CDX4: variants seen among roughly 807,000 people sequenced by gnomAD.
CDX4 encodes homeobox protein CDX-4.
CDX4 carries 11 observed loss-of-function variants against 14.1 expected under a neutral mutation model. The observed-to-expected ratio is 0.78, with a 90% CI of 0.49 to 1.29. CDX4 has a LOEUF of 1.29. CDX4 is among the 50% of genes most tolerant of loss of function. CDX4 has a pLI of 0.00. For synonymous variants in CDX4, 100 were observed against 93.5 expected, an observed-to-expected ratio of 1.07 and a Z score of -0.40; for missense variants, 257 against 237.4, an observed-to-expected ratio of 1.08 and a Z score of -0.54.
chrX:73,452,039 A>T (rs2057088967), intron 1 of CDX4, among the ~76,000 whole-genome samples: 1 of 109,522 alleles, frequency 9.1e-6, no homozygotes, highest in South Asian at 4.0e-4. Context: ...CGGGAAAAGG[A>T]GATTTTGTTC....
rs2147488013 is a variant in CDX4 at position 73,447,539 on chromosome X, G to A, written c.286G>A (p.Val96Met). The A allele has an allele frequency of 1.7e-6, 2 of 1,211,766 alleles. No individual in the cohort carries two copies. The highest frequency in any genetic ancestry group is 3.0e-5 in the East Asian group (1 of 33,813). ...TGGGCCGTCTAGTACAATGGGCACA[G>A]TGCCGGTGAACGACGTGACCTCTAG... Reference protein sequence around the residue: ...YPGPSSTMGTVPVNDVTSSPA... With the variant: ...YPGPSSTMGTMPVNDVTSSPA... The change falls in exon 1 of 3, where the codon GTG (valine) becomes ATG (methionine). Residue 96 changes from valine to methionine, a missense_variant. By Grantham distance (21) the Val-to-Met change is conservative. Coordinates refer to ENST00000373514, the MANE Select transcript of CDX4 (RefSeq NM_005193.2).
Position 73,447,397 on chromosome X carries a change from G to A in CDX4, c.144G>A (p.Pro48=). 4.1e-6 allele frequency: 5 copies of A among 1,211,167 alleles called. No individual in the cohort carries two copies. The African/African-American group carries it at 5.2e-5, about 13-fold the overall frequency. Residue 48 remains proline (P), a synonymous_variant, in exon 1 of 3, where the codon CCG becomes CCA. Transcript: ENST00000373514. ...PMPASNFAAA[P]AFSHYMGYPH... ...CAGCCTCCAATTTCGCTGCGGCACC[G>A]GCTTTCTCGCACTATATGGGGTATC... is the stretch of plus-strand genomic sequence containing the variant.
In CDX4 at chrX:73,454,405, A is replaced by C. The variant is rs371721540; in HGVS notation, c.675A>C (p.Arg225Ser). The change falls in exon 3 of 3, where the codon AGA (arginine) becomes AGC (serine). Residue 225 changes from arginine (R) to serine (S), a missense_variant. Coordinates refer to ENST00000373514, the MANE Select transcript of CDX4 (RefSeq NM_005193.2). ...RQVKIWFQNR[R>S]AKERKMIKKK... ...TGAAAATCTGGTTTCAGAATCGCAG[A>C]GCCAAGGAGAGAAAGATGATCAAAA... 30 of 1,207,993 alleles carry C rather than the reference A, an allele frequency of 2.5e-5. No individual in the cohort carries two copies. Among genetic ancestry groups the C allele is most frequent in the Non-Finnish European group, 3.4e-5 (30 of 892,902 alleles).
rs141266430 is a variant in CDX4, at chrX:73,448,991, T to C, written c.502+1236T>C. ...AGCCAGGAAGAGGAAGTTCTGTGTA[T>C]TAGAACCTCACTAGAGTAGCGATCC... On this transcript the variant is annotated intron_variant, in intron 1 of 2. Transcript: ENST00000373514. Among the ~76,000 whole-genome samples the C allele has an allele frequency of 3.2e-3, 360 of 112,028 alleles. 2 individuals carry two copies. Among genetic ancestry groups the C allele is most frequent in the African/African-American group, 0.011 (339 of 30,846 alleles).
intron 2 of CDX4, 104 bp downstream of exon 2, chrX:73,453,766 T>C: frequency 2.9e-6 from 2 of 678,934 alleles, no homozygotes; most frequent in Admixed American, 3.9e-5. Context: ...CCCAAGTAGC[T>C]TGCATTTCAA....
intron 2 of CDX4, 21 bp downstream of exon 2, chrX:73,453,683 A>G (rs1421816939): frequency 8.5e-7 from 1 of 1,180,206 alleles, no homozygotes. Flanking sequence ...AGTATATCCA[A>G]CATGTCCCGT....
chrX:73,451,663 G>T (rs1987292824), intron 1 of CDX4, among the ~76,000 whole-genome samples: 1 of 111,520 alleles, frequency 9.0e-6, no homozygotes, highest in African/African-American at 3.3e-5. Flanking sequence ...AACATTTCCA[G>T]AGTTATTGAT....
Position 73,447,615 on chromosome X carries a change from G to A in CDX4, c.362G>A (p.Gly121Asp). 1.7e-6 allele frequency: 2 copies of A among 1,211,532 alleles called. No homozygotes were observed. Among genetic ancestry groups the A allele is most frequent in the Non-Finnish European group, 2.2e-6 (2 of 895,440 alleles). The change falls in exon 1 of 3, where the codon GGT (glycine) becomes GAT (aspartate). Residue 121 changes from glycine to aspartate, a missense_variant. By Grantham distance (94) the Gly-to-Asp change is moderately conservative (BLOSUM62 -1). Coordinates refer to ENST00000373514, the MANE Select transcript of CDX4 (RefSeq NM_005193.2). ...TDYSNLGPVGGGTSGSSLPGQ... is the reference protein window; with the variant it reads ...TDYSNLGPVGDGTSGSSLPGQ... ...TACAGCAACTTGGGCCCTGTGGGCG[G>A]TGGAACTAGCGGCAGCAGCCTACCA... is the stretch of plus-strand genomic sequence containing the variant.
chrX:73,454,092 T>C (rs2057098395), intron 2 of CDX4, among the ~76,000 whole-genome samples: 1 of 111,770 alleles, frequency 8.9e-6, no homozygotes, highest in African/African-American at 3.2e-5. Flanking sequence ...CATTATTTAT[T>C]TCTACCTGTG....
chrX:73,448,915 CAA>C (rs1356307193), intron 1 of CDX4, among the ~76,000 whole-genome samples: 2 of 111,619 alleles, frequency 1.8e-5, no homozygotes, highest in Admixed American at 1.9e-4. Flanking sequence ...CTCCAAAAAG[CAA>C]AGACAGGAGG....
chrX:73,448,564 T>C (rs1425521475), intron 1 of CDX4, among the ~76,000 whole-genome samples: 1 of 112,015 alleles, frequency 8.9e-6, no homozygotes, highest in African/African-American at 3.2e-5. Context: ...CAGGCGTCTC[T>C]CAGGCGTGGG....
chrX:73,454,178 T>C (rs1364224117), intron 2 of CDX4, among the ~76,000 whole-genome samples: 1 of 111,733 alleles, frequency 8.9e-6, no homozygotes, highest in African/African-American at 3.3e-5. Context: ...TGGATCTCAG[T>C]TTCATTTCAT....
chrX:73,452,017 C>T (rs188579887), intron 1 of CDX4, among the ~76,000 whole-genome samples: 27 of 110,668 alleles, frequency 2.4e-4, no homozygotes, highest in African/African-American at 7.2e-4. Context: ...CATAGTTTTC[C>T]TTTTCTAAGA....
chrX:73,448,254 G>C (rs756872099), intron 1 of CDX4, among the ~76,000 whole-genome samples: 1 of 110,238 alleles, frequency 9.1e-6, no homozygotes, highest in Non-Finnish European at 1.9e-5. Flanking sequence ...GGTTCACAGT[G>C]CTTGGCTGGC....
intron 1 of CDX4, among the ~76,000 whole-genome samples, chrX:73,449,731 A>G (rs999612402): frequency 2.7e-5 from 3 of 111,848 alleles, no homozygotes; most frequent in African/African-American, 9.8e-5. Flanking sequence ...TTTAGCAGCA[A>G]TTTAAGAATA....
chrX:73,450,880 C>T (rs1269150317), intron 1 of CDX4, among the ~76,000 whole-genome samples: 1 of 111,425 alleles, frequency 9.0e-6, no homozygotes, highest in Non-Finnish European at 1.9e-5. Flanking sequence ...AGCACTTTTG[C>T]AGCCAGTCTT....
At position 73,447,697 on chromosome X, in the gene CDX4, C is replaced by T. The variant is rs1166018687; in HGVS notation, c.444C>T (p.Ser148=). ...ACGCAGGCGCCGCCAAGGCCAGTTC[C>T]CCCAGCAGGAGCCGCCACAGCCCCT... ...PTDAGAAKAS[S]PSRSRHSPYA... is the part of the protein sequence containing the mutation. Residue 148 remains serine, a synonymous_variant, in exon 1 of 3, where the codon TCC becomes TCT. Coordinates refer to ENST00000373514, the MANE Select transcript of CDX4 (RefSeq NM_005193.2). 5.0e-6 allele frequency: 6 copies of T among 1,202,600 alleles called. No homozygotes were observed. The highest frequency in any genetic ancestry group is 2.2e-6 in the Non-Finnish European group (2 of 893,296).
chrX:73,450,650 A>T (rs2057084081), intron 1 of CDX4, among the ~76,000 whole-genome samples: 1 of 112,077 alleles, frequency 8.9e-6, no homozygotes, highest in Non-Finnish European at 1.9e-5. Flanking sequence ...GAGAGTTATC[A>T]TTGTCCCTTG....
chrX:73,453,714 C>T, intron 2 of CDX4, 52 bp downstream of exon 2: 1 of 1,080,216 alleles, frequency 9.3e-7, no homozygotes, highest in African/African-American at 1.9e-5. Context: ...TCAATAGAAT[C>T]AGAATTCTAG....
Sources: gnomAD v4.1 joint callset for allele counts (sites outside exome capture counted in the v4.1 genomes callset) on GRCh38, gnomAD v4.1.1 for gene constraint, MANE v1.5 for transcripts, NCBI Gene and HGNC (gene_info 2026-07-23, HGNC 2026-07-21) for gene names.